MYBPC3: variants seen among roughly 807,000 people sequenced by gnomAD.
The protein encoded by MYBPC3 is myosin binding protein C3, also known as myosin-binding protein C, cardiac-type.
Under a neutral mutation model 159.3 loss-of-function variants are expected in MYBPC3, and 108 were observed. That is an observed-to-expected ratio of 0.68 (90% CI 0.58 to 0.80). The LOEUF is 0.80. Among genes scored for constraint, MYBPC3 ranks in the 30% least tolerant of loss-of-function variants. MYBPC3 has a pLI of 0.00. For missense variants in MYBPC3, 1,631 were observed against 1,762.1 expected (o/e 0.93, Z 1.33); for synonymous variants, 730 against 702.0 (o/e 1.04, Z -0.63).
Position 47,333,698 on chromosome 11 carries a change from C to CGGA in MYBPC3, c.3048_3049insTCC (p.Gly1016_Glu1017insSer). 6.2e-7 allele frequency: 1 copy of CGGA among 1,610,524 alleles called. No homozygotes were observed. Reference sequence around the variant, plus strand: ...GGGCTGTTGCGGATGCTCACCTCCTCGCCTGCCAGGGGCTGCCCCTCTTTG... The same window carrying CGGA: ...GGGCTGTTGCGGATGCTCACCTCCTCGGAGCCTGCCAGGGGCTGCCCCTCTTTG... On this transcript the variant is annotated inframe_insertion, in exon 29 of 35. Coordinates refer to ENST00000545968, the MANE Select transcript of MYBPC3 (RefSeq NM_000256.3).
chr11:47,350,925 T>C (rs2095900098), intron 2 of MYBPC3, among the ~76,000 whole-genome samples: 1 of 152,016 alleles, frequency 6.6e-6, no homozygotes, highest in Non-Finnish European at 1.5e-5. Flanking sequence ...ACTCCCCTCA[T>C]CCACAGCTCC....
Position 47,351,182 on chromosome 11 carries a change from C to CGGGGGGGGGGGGGG in MYBPC3, c.292+56_292+57insCCCCCCCCCCCCCC. 6.9e-7 allele frequency: 1 copy of CGGGGGGGGGGGGGG among 1,451,584 alleles called. No individual in the cohort carries two copies. The highest frequency in any genetic ancestry group is 9.2e-7 in the Non-Finnish European group (1 of 1,091,552). 89.9% of individuals were successfully genotyped at this position (1,451,584 alleles called of 1,614,324 possible). On this transcript the variant is annotated intron_variant, in intron 2 of 34. Transcript: ENST00000545968. This position sits in a 1 kb window ranked among gnomAD's most constrained non-coding sequence, Gnocchi z 4.2. ...TGTTCCCTGGATGGATGGAGAGTCG[C>CGGGGGGGGGGGGGG]TGGGCTGCCCCTCCCCCAGCAGCCC... is the stretch of plus-strand genomic sequence containing the variant.
chr11:47,347,614 C>G, intron 8 of MYBPC3, 37 bp downstream of exon 8: 1 of 1,566,862 alleles, frequency 6.4e-7, no homozygotes, highest in Non-Finnish European at 8.7e-7. Flanking sequence ...CCCTGGGGGT[C>G]TGCGGATGGT....
intron 15 of MYBPC3, 26 bp from the exon 16 acceptor site, chr11:47,342,961 G>A (rs1176187983): frequency 1.9e-6 from 3 of 1,611,620 alleles, no homozygotes; most frequent in East Asian, 4.5e-5. Flanking sequence ...GAGCATGAGG[G>A]TTGGCTCCCC....
In MYBPC3 at chr11:47,346,821, T is replaced by C. The variant is rs1360923098; in HGVS notation, c.909-177A>G. Among the ~76,000 whole-genome samples, 1 of 152,082 alleles carries C rather than the reference T, an allele frequency of 6.6e-6. No homozygotes were observed. Among genetic ancestry groups the C allele is most frequent in the African/African-American group, 2.4e-5 (1 of 41,396 alleles). On this transcript the variant is annotated intron_variant, in intron 10 of 34. Coordinates refer to ENST00000545968, the MANE Select transcript of MYBPC3 (RefSeq NM_000256.3). The surrounding 1 kb of genome is among the most constrained non-coding windows in gnomAD (Gnocchi z 5.3). ...CCGGAGGCTCTGGCAGGACCTCCTGTGTGCATTACTTTTTCTTATCCCTCC... is the reference window on the plus strand; with the variant it reads ...CCGGAGGCTCTGGCAGGACCTCCTGCGTGCATTACTTTTTCTTATCCCTCC...
At position 47,346,337 on chromosome 11, in the gene MYBPC3, G is replaced by A. The variant is rs369900803; in HGVS notation, c.960C>T (p.Asp320=). 16 of 1,607,192 alleles carry A rather than the reference G, an allele frequency of 1.0e-5. No homozygotes were observed. Among genetic ancestry groups the A allele is most frequent in the Admixed American group, 3.4e-5 (2 of 59,032 alleles). Residue 320 remains aspartate, a synonymous_variant, in exon 12 of 35, where the codon GAC becomes GAT. Transcript: ENST00000545968. This position sits in a 1 kb window ranked among gnomAD's most constrained non-coding sequence, Gnocchi z 5.3. The stretch of plus-strand genomic sequence containing the variant: ...GTGCCTGCCGTAGGATCTCCCACAC[G>A]TCCTCCTCTGCTGGTGCCTCCAGCT... ...DSKLEAPAEE[D]VWEILRQAPP...
chr11:47,337,952 C>CTTTTTT (rs11323436), intron 23 of MYBPC3, among the ~76,000 whole-genome samples, 158 bp from the exon 24 acceptor site: 3 of 116,638 alleles, frequency 2.6e-5, no homozygotes, highest in South Asian at 2.8e-4. Context: ...TCTTCTTTTC[C>CTTTTTT]TTTTTTTTTT....
chr11:47,341,913 C>A, intron 18 of MYBPC3, 78 bp downstream of exon 18: 1 of 1,519,458 alleles, frequency 6.6e-7, no homozygotes, highest in South Asian at 1.3e-5. Flanking sequence ...TTATCTCTCT[C>A]TCTCTGTTTC....
chr11:47,341,070 G>C (rs745698632), intron 19 of MYBPC3, 38 bp from the exon 20 acceptor site: 1 of 1,572,488 alleles, frequency 6.4e-7, no homozygotes, highest in Non-Finnish European at 8.6e-7. Flanking sequence ...CGGGGGCAAA[G>C]GCAGGGCCCA....
At chr11:47,347,195 C>T (rs1379737976) in intron 9 of MYBPC3, 166 bp from the exon 10 acceptor site, 2 of 985,154 alleles carry the variant, frequency 2.0e-6, no homozygotes, top group Non-Finnish European at 2.4e-6. Flanking sequence ...CTTTTGCAGC[C>T]TCAAGTGTGG....
At position 47,339,686 on chromosome 11, in the gene MYBPC3, C is replaced by T; in HGVS notation, c.2032G>A (p.Ala678Thr). ...RLDVPISGDP[A>T]PTVIWQKAIT... ...GCCTTCTGCCAGATCACAGTGGGAG[C>T]AGGGTCCCCAGAGATAGGGACGTCC... The change falls in exon 21 of 35, where the codon GCT (alanine) becomes ACT (threonine). Residue 678 changes from alanine to threonine, a missense_variant. Transcript: ENST00000545968. 1 of 1,612,140 alleles carries T rather than the reference C, an allele frequency of 6.2e-7. No homozygotes were observed. Among genetic ancestry groups the T allele is most frequent in the South Asian group, 1.1e-5 (1 of 90,864 alleles).
chr11:47,351,182 C>CGGGGGGGGGG lies in MYBPC3; in HGVS notation c.292+56_292+57insCCCCCCCCCC. 3 of 1,451,562 alleles carry CGGGGGGGGGG rather than the reference C, an allele frequency of 2.1e-6. No homozygotes were observed. The highest frequency in any genetic ancestry group is 2.5e-5 in the East Asian group (1 of 39,442). The allele number at this position is 1,451,562 out of a possible 1,614,324, so 89.9% of individuals were successfully genotyped here. On this transcript the variant is annotated intron_variant, in intron 2 of 34. Transcript: ENST00000545968. The surrounding 1 kb of genome is among the most constrained non-coding windows in gnomAD (Gnocchi z 4.2). ...TGTTCCCTGGATGGATGGAGAGTCG[C>CGGGGGGGGGG]TGGGCTGCCCCTCCCCCAGCAGCCC... is the stretch of plus-strand genomic sequence containing the variant.
intron 13 of MYBPC3, 21 bp downstream of exon 13, chr11:47,343,471 C>T (rs751655461): frequency 1.3e-6 from 2 of 1,565,720 alleles, no homozygotes; most frequent in East Asian, 2.4e-5. Flanking sequence ...CCCGAGCCCC[C>T]CTCCCCACCC....
Position 47,351,515 on chromosome 11 carries a change from C to T in MYBPC3, c.26-10G>A, listed in dbSNP as rs397515978. On this transcript the variant is annotated splice_polypyrimidine_tract_variant and intron_variant, in intron 1 of 34. Transcript: ENST00000545968. The surrounding 1 kb of genome is among the most constrained non-coding windows in gnomAD (Gnocchi z 4.2). ...TTGCTAAAAGCTGAGACTGAAGGGC[C>T]AGGTGGAGGCTACAGCGGCCCCTGG... The T allele has an allele frequency of 1.9e-6, 3 of 1,573,720 alleles. No individual in the cohort carries two copies. The highest frequency in any genetic ancestry group is 2.6e-6 in the Non-Finnish European group (3 of 1,154,688).
rs751684395 is a variant in MYBPC3 at position 47,337,683 on chromosome 11, C to T, written c.2413+7G>A. 1 of 1,589,824 alleles carries T rather than the reference C, an allele frequency of 6.3e-7. No homozygotes were observed. Among genetic ancestry groups the T allele is most frequent in the Non-Finnish European group, 8.6e-7 (1 of 1,168,216 alleles). On this transcript the variant is annotated splice_region_variant and intron_variant, in intron 24 of 34. Transcript: ENST00000545968. ...CTCACACCTCCATCCGGTGCCCTTG[C>T]ACTCACCCAGGATGGGCTGCCCGCC...
At chr11:47,340,140 TACACATAC>T (rs1049683121) in intron 20 of MYBPC3, among the ~76,000 whole-genome samples, 5 of 151,014 alleles carry the variant, frequency 3.3e-5, no homozygotes, top group Non-Finnish European at 7.4e-5. Context: ...CACACGCATA[TACACATAC>T]ACACAGACAC....
At position 47,351,318 on chromosome 11, in the gene MYBPC3, C is replaced by A; in HGVS notation, c.213G>T (p.Val71=). The A allele has an allele frequency of 6.3e-7, 1 of 1,585,034 alleles. No individual in the cohort carries two copies. The highest frequency in any genetic ancestry group is 2.3e-5 in the East Asian group (1 of 42,986). ...CGTAAGATCCCTGGTCGGCAGGGCC[C>A]ACTTCCCGCACTGTCAGCGTATGCC... ...GTRHTLTVRE[V]GPADQGSYAV... is the part of the protein sequence containing the mutation. The change falls in exon 2 of 35, where the codon GTG becomes GTT. Residue 71 remains valine, a synonymous_variant. Transcript: ENST00000545968. The surrounding 1 kb of genome is among the most constrained non-coding windows in gnomAD (Gnocchi z 4.2).
In MYBPC3 at chr11:47,335,358, G is replaced by A. The variant is rs561825460; in HGVS notation, c.2738-149C>T. On this transcript the variant is annotated intron_variant, in intron 26 of 34. Transcript: ENST00000545968. ...TTATTTATTTTTGAGATGGAGTTTC[G>A]CTCTTGTCTCCCAGGCTGGAGTGCA... is the stretch of plus-strand genomic sequence containing the variant. 1.6e-4 allele frequency: 119 copies of A among 747,662 alleles called. 1 individual carries two copies. In the South Asian group the frequency reaches 2.1e-3, roughly 13 times the overall value. The allele number at this position is 747,662 out of a possible 1,614,324, so 46.3% of individuals were successfully genotyped here.
chr11:47,348,930 A>ATATATAT (rs1291880008), intron 5 of MYBPC3, among the ~76,000 whole-genome samples: 31 of 133,612 alleles, frequency 2.3e-4, no homozygotes, highest in Non-Finnish European at 3.6e-4. Flanking sequence ...ATATATATTT[A>ATATATAT]AAGGAGGCTG....
Sources: allele counts gnomAD v4.1 joint callset (sites outside exome capture counted in the v4.1 genomes callset), GRCh38; gene constraint gnomAD v4.1.1; non-coding constraint Gnocchi (gnomAD v3.1); transcripts MANE v1.5; gene names NCBI Gene and HGNC (gene_info 2026-07-23, HGNC 2026-07-21).